The following SNU13 variants were observed in gnomAD, a reference collection of about 807,000 sequenced individuals.
The protein encoded by SNU13 is NHP2-like protein 1.
SNU13 carries 2 observed loss-of-function variants against 12.4 expected under a neutral mutation model. The observed-to-expected ratio is 0.16, with a 90% CI of 0.07 to 0.51. SNU13 has a LOEUF of 0.51. SNU13 is among the 20% of genes least tolerant of loss of function. The pLI is 0.96. For synonymous variants in SNU13, 68 were observed against 66.5 expected (o/e 1.02, Z -0.11); for missense variants, 66 against 157.8 (o/e 0.42, Z 3.12).
At chr22:41,675,241 C>T in intron 2 of SNU13, 46 bp from the exon 3 acceptor site, 1 of 1,592,938 alleles carries the variant, frequency 6.3e-7, no homozygotes, top group South Asian at 1.1e-5. Context: ...TGGGCTTGGG[C>T]AGGGCAGCCA....
chr22:41,677,110 G>A (rs1292074455), intron 2 of SNU13, among the ~76,000 whole-genome samples: 2 of 152,048 alleles, frequency 1.3e-5, no homozygotes, highest in East Asian at 3.9e-4. Context: ...CACTTACTCC[G>A]TAAGCTTTTA....
At chr22:41,675,288 A>T in intron 2 of SNU13, 93 bp from the exon 3 acceptor site, 1 of 1,477,878 alleles carries the variant, frequency 6.8e-7, no homozygotes, top group Non-Finnish European at 9.2e-7. Flanking sequence ...ACACACAATT[A>T]TGTGTCCTAG....
chr22:41,675,268 A>G, intron 2 of SNU13, 73 bp from the exon 3 acceptor site: 1 of 1,555,008 alleles, frequency 6.4e-7, no homozygotes, highest in Non-Finnish European at 8.7e-7. Flanking sequence ...ACTGGGAAGA[A>G]TGCCTAGGCA....
chr22:41,680,094 C>T, intron 2 of SNU13, 150 bp downstream of exon 2: 1 of 972,134 alleles, frequency 1.0e-6, no homozygotes, highest in South Asian at 2.2e-5. Flanking sequence ...AATTCTTAGC[C>T]CATCAGCTTT....
chr22:41,685,923 G>A (rs1054465505), intron 1 of SNU13, among the ~76,000 whole-genome samples: 125 of 150,928 alleles, frequency 8.3e-4, no homozygotes, highest in African/African-American at 2.9e-3. Flanking sequence ...AGTCAAGATC[G>A]TGCCACTGCA....
upstream of SNU13, among the ~76,000 whole-genome samples, chr22:41,690,229 C>A (rs1476635470): frequency 6.6e-6 from 1 of 152,054 alleles, no homozygotes; most frequent in Non-Finnish European, 1.5e-5. Flanking sequence ...TACATGTATT[C>A]AATACAGTGT....
intron 2 of SNU13, 109 bp from the exon 3 acceptor site, chr22:41,675,304 C>T: frequency 7.3e-7 from 1 of 1,368,100 alleles, no homozygotes; most frequent in Non-Finnish European, 1.0e-6. Flanking sequence ...CCTAGACCGG[C>T]CCTGGGATAT....
At chr22:41,680,983 G>A (rs975129789) in intron 1 of SNU13, among the ~76,000 whole-genome samples, 1 of 152,210 alleles carries the variant, frequency 6.6e-6, no homozygotes, top group Non-Finnish European at 1.5e-5. Context: ...CTGAGGTCAG[G>A]AGTCCATGGG....
At chr22:41,688,964 C>A (rs559480840), upstream of SNU13, 7 of 1,356,132 alleles carry the variant, frequency 5.2e-6, no homozygotes, top group Admixed American at 2.0e-4. Flanking sequence ...TACGGGGGCA[C>A]TGGCGCGGAA....
intron 1 of SNU13, 124 bp downstream of exon 1, chr22:41,688,670 C>T (rs535906379): frequency 2.2e-6 from 3 of 1,343,382 alleles, no homozygotes; most frequent in South Asian, 3.3e-5. Flanking sequence ...AAGGGCCCGG[C>T]GGTTAAGACC....
At chr22:41,688,873 A>G, upstream of SNU13, 2 of 1,507,194 alleles carry the variant, frequency 1.3e-6, no homozygotes, top group Admixed American at 2.0e-5. Context: ...CACCGGAAAA[A>G]CTCACAGAAG....
intron 1 of SNU13, chr22:41,682,305 C>A: frequency 6.4e-7 from 1 of 1,572,208 alleles, no homozygotes; most frequent in Non-Finnish European, 8.8e-7. Context: ...CTCGCGGCAC[C>A]ACAGCTCTCG....
chr22:41,680,463 G>A, intron 1 of SNU13, 99 bp from the exon 2 acceptor site: 1 of 1,305,030 alleles, frequency 7.7e-7, no homozygotes, highest in Non-Finnish European at 1.1e-6. Context: ...GGGGGCAGCT[G>A]CCCTGCTCCC....
At chr22:41,683,158 G>A (rs2068281325) in intron 1 of SNU13, among the ~76,000 whole-genome samples, 1 of 152,164 alleles carries the variant, frequency 6.6e-6, no homozygotes, top group East Asian at 1.9e-4. Context: ...AACCACGCCC[G>A]GCTAATTTTT....
chr22:41,675,851 A>G (rs1452414907), intron 2 of SNU13, among the ~76,000 whole-genome samples: 1 of 150,700 alleles, frequency 6.6e-6, no homozygotes, highest in Non-Finnish European at 1.5e-5. Context: ...CCCAGGTTCA[A>G]GTGATTCTCC....
chr22:41,684,157 G>A (rs765988211), intron 1 of SNU13, among the ~76,000 whole-genome samples: 6 of 151,994 alleles, frequency 3.9e-5, no homozygotes, highest in South Asian at 2.1e-4. Flanking sequence ...TACCTGCCTC[G>A]ACCTCCCAAA....
intron 1 of SNU13, chr22:41,682,425 T>G: frequency 6.2e-7 from 1 of 1,612,646 alleles, no homozygotes; most frequent in Non-Finnish European, 8.5e-7. Flanking sequence ...TTGGACGGTC[T>G]GCTGCCCAGC....
rs1445420261 is a variant in SNU13, at chr22:41,686,582, G to GTAATTAC, written c.3+2211_3+2212insGTAATTA. On this transcript the variant is annotated intron_variant, in intron 1 of 2. Coordinates refer to ENST00000401959, the MANE Select transcript of SNU13 (RefSeq NM_001003796.2). ...CCCAAAGTGCTGGGATTACAGGTGT[G>GTAATTAC]AGCTACCACGTCCGGCCATACAAAT... Among the ~76,000 whole-genome samples, 60 of 151,194 alleles carry GTAATTAC rather than the reference G, an allele frequency of 4.0e-4. 1 individual carries two copies. Among genetic ancestry groups the GTAATTAC allele is most frequent in the Admixed American group, 2.2e-3 (33 of 15,164 alleles).
intron 1 of SNU13, chr22:41,682,234 C>G: frequency 9.4e-7 from 1 of 1,059,884 alleles, no homozygotes; most frequent in Admixed American, 1.8e-5. Flanking sequence ...TGCCCGACAC[C>G]GCGCACCTGC....
Sources: gnomAD v4.1 joint callset for allele counts (sites outside exome capture counted in the v4.1 genomes callset) on GRCh38, gnomAD v4.1.1 for gene constraint, MANE v1.5 for transcripts, NCBI Gene and HGNC (gene_info 2026-07-23, HGNC 2026-07-21) for gene names.